MAML3: variants seen among roughly 807,000 people sequenced by gnomAD.
MAML3 encodes mastermind-like protein 3.
MAML3 carries 27 observed loss-of-function variants against 101.9 expected under a neutral mutation model. The ratio of observed to expected loss-of-function variants is 0.27; its 90% CI spans 0.20 to 0.37. The LOEUF is 0.37. Among genes scored for constraint, MAML3 ranks in the 10% least tolerant of loss-of-function variants. MAML3 has a pLI of 1.00. For missense variants in MAML3, 1,316 were observed against 1,444.9 expected (o/e 0.91, Z 1.45); for synonymous variants, 501 against 555.9 (o/e 0.90, Z 1.39).
At chr4:139,978,506 G>A (rs2110804688) in intron 1 of MAML3, among the ~76,000 whole-genome samples, 1 of 152,024 alleles carries the variant, frequency 6.6e-6, no homozygotes, top group Non-Finnish European at 1.5e-5. Flanking sequence ...TTAAAAACGA[G>A]TGGCAGAGGA....
chr4:139,725,586 T>C (rs1728435204), intron 4 of MAML3, among the ~76,000 whole-genome samples, 165 bp downstream of exon 4: 1 of 152,226 alleles, frequency 6.6e-6, no homozygotes, highest in South Asian at 2.1e-4. Context: ...AGGAGGCCTC[T>C]AGGAATCCAT....
rs568490797 is a variant in MAML3 at position 140,009,138 on chromosome 4, C to T, written c.469-118171G>A. Reference sequence around the variant, plus strand: ...CTACTGTACACATGCTCAAATCTGACAACACCTAATGCTGAGACAAAACAT... The same window carrying T: ...CTACTGTACACATGCTCAAATCTGATAACACCTAATGCTGAGACAAAACAT... On this transcript the variant is annotated intron_variant, in intron 1 of 4. Transcript: ENST00000509479. Among the ~76,000 whole-genome samples, 4 of 152,262 alleles carry T rather than the reference C, an allele frequency of 2.6e-5. No individual in the cohort carries two copies. In the South Asian group the frequency reaches 8.3e-4, roughly 32 times the overall value.
chr4:140,133,383 T>C (rs79241087), intron 1 of MAML3, among the ~76,000 whole-genome samples: 66 of 152,312 alleles, frequency 4.3e-4, no homozygotes, highest in African/African-American at 1.5e-3. Context: ...TAATGATAAC[T>C]ACATAGTATA....
At chr4:139,988,254 G>A (rs910552061) in intron 1 of MAML3, among the ~76,000 whole-genome samples, 3 of 148,358 alleles carry the variant, frequency 2.0e-5, no homozygotes, top group African/African-American at 7.5e-5. Context: ...TGAATCCTGG[G>A]AGGCAGGGGC....
At chr4:139,749,308 A>C (rs1336293132) in intron 2 of MAML3, among the ~76,000 whole-genome samples, 1 of 152,232 alleles carries the variant, frequency 6.6e-6, no homozygotes, top group African/African-American at 2.4e-5. Flanking sequence ...ATGCAAAAAA[A>C]GTTTTCTCTA....
intron 1 of MAML3, among the ~76,000 whole-genome samples, chr4:139,997,111 C>CA (rs56709812): frequency 6.8e-6 from 1 of 147,456 alleles, no homozygotes; most frequent in Admixed American, 6.8e-5. Context: ...GACTCTGTCT[C>CA]AAAAAAATAT....
rs553625505 is a variant in MAML3 at position 139,938,100 on chromosome 4, T to C, written c.469-47133A>G. On this transcript the variant is annotated intron_variant, in intron 1 of 4. Coordinates refer to ENST00000509479, the MANE Select transcript of MAML3 (RefSeq NM_018717.5). The stretch of plus-strand genomic sequence containing the variant: ...TATATATTTACATCCCTACTAAGTC[T>C]GGGCACCAAGGGCTATGAGTGGCCC... Among the ~76,000 whole-genome samples the C allele has an allele frequency of 5.3e-5, 8 of 152,336 alleles. No individual in the cohort carries two copies. The South Asian group carries it at 1.4e-3, about 28-fold the overall frequency.
intron 2 of MAML3, among the ~76,000 whole-genome samples, chr4:139,798,120 C>T (rs1173598284): frequency 6.6e-6 from 1 of 151,676 alleles, no homozygotes; most frequent in Non-Finnish European, 1.5e-5. Flanking sequence ...CATGGCAATA[C>T]CTTGATAATT....
At position 139,781,510 on chromosome 4, in the gene MAML3, T is replaced by TATATATATATATATATATATATAC. The variant is rs1730214145; in HGVS notation, c.2080-50844_2080-50843insGTATATATATATATATATATATAT. On this transcript the variant is annotated intron_variant, in intron 2 of 4. Coordinates refer to ENST00000509479, the MANE Select transcript of MAML3 (RefSeq NM_018717.5). ...TTCTAATGATCGCAGAGCATTTTCA[T>TATATATATATATATATATATATAC]ATATATATATATATATATATAGTCT... is the stretch of plus-strand genomic sequence containing the variant. 9.0e-5 allele frequency among the ~76,000 whole-genome samples: 8 copies of TATATATATATATATATATATATAC among 89,014 alleles called. No homozygotes were observed. The East Asian group carries it at 2.3e-3, about 26-fold the overall frequency. The allele number at this position is 89,014 out of a possible 152,430, so 58.4% of individuals were successfully genotyped here.
rs1399666918 is a variant in MAML3, at chr4:139,730,683, A to G, written c.2080-16T>C. ...GATGCTGCTCCTGGGAAGACAAGAG[A>G]GAGGGAGATGCAGGGATTCCCCATA... On this transcript the variant is annotated splice_polypyrimidine_tract_variant and intron_variant, in intron 2 of 4. Transcript: ENST00000509479. The G allele has an allele frequency of 4.3e-5, 69 of 1,605,116 alleles. No homozygotes were observed. The highest frequency in any genetic ancestry group is 5.8e-5 in the Non-Finnish European group (68 of 1,173,984).
intron 1 of MAML3, among the ~76,000 whole-genome samples, chr4:140,112,293 C>T (rs1728450735): frequency 6.6e-6 from 1 of 152,160 alleles, no homozygotes; most frequent in African/African-American, 2.4e-5. Flanking sequence ...TACTTTCTGG[C>T]TCAACTAGAT....
At chr4:139,950,569 T>C (rs903650499) in intron 1 of MAML3, among the ~76,000 whole-genome samples, 2 of 152,178 alleles carry the variant, frequency 1.3e-5, no homozygotes, top group African/African-American at 4.8e-5. Context: ...TCCATCCTGA[T>C]TGCCCATTGT....
At chr4:139,825,440 T>A (rs113533088) in intron 2 of MAML3, among the ~76,000 whole-genome samples, 10 of 152,334 alleles carry the variant, frequency 6.6e-5, no homozygotes, top group African/African-American at 2.2e-4. Flanking sequence ...ATAAAGCAAC[T>A]TCCTACGACC....
intron 1 of MAML3, among the ~76,000 whole-genome samples, chr4:140,062,315 G>A (rs1578664968): frequency 1.3e-5 from 2 of 152,148 alleles, no homozygotes; most frequent in African/African-American, 4.8e-5. Flanking sequence ...GTGGTGAACT[G>A]TCTCCCACAC....
intron 1 of MAML3, among the ~76,000 whole-genome samples, chr4:139,979,521 C>T (rs951144045): frequency 3.9e-5 from 6 of 152,170 alleles, no homozygotes; most frequent in South Asian, 2.1e-4. Context: ...GTGGTTGCTA[C>T]GGTTTGAATG....
Position 140,057,786 on chromosome 4 carries a change from T to C in MAML3, c.468+95074A>G, listed in dbSNP as rs146738562. ...CTTCCAGGTCTCCAAGTCTGCTTTT[T>C]GTATTTCTTTTCTTCCTGTTCTCTG... is the stretch of plus-strand genomic sequence containing the variant. On this transcript the variant is annotated intron_variant, in intron 1 of 4. Transcript: ENST00000509479. 3.9e-3 allele frequency among the ~76,000 whole-genome samples: 594 copies of C among 152,314 alleles called. 8 individuals carry two copies. The highest frequency in any genetic ancestry group is 4.4e-3 in the Non-Finnish European group (299 of 68,030).
At chr4:139,811,866 A>G (rs1364390144) in intron 2 of MAML3, among the ~76,000 whole-genome samples, 1 of 152,244 alleles carries the variant, frequency 6.6e-6, no homozygotes, top group Admixed American at 6.5e-5. Context: ...GGAACTAGAA[A>G]GTGGATGAAT....
intron 1 of MAML3, among the ~76,000 whole-genome samples, chr4:140,041,825 C>A (rs1257371244): frequency 6.6e-6 from 1 of 152,112 alleles, no homozygotes; most frequent in East Asian, 1.9e-4. Context: ...AAAAAACACA[C>A]CTCTGGATTT....
chr4:139,855,051 T>C (rs1233394761), intron 2 of MAML3, among the ~76,000 whole-genome samples: 1 of 152,218 alleles, frequency 6.6e-6, no homozygotes, highest in East Asian at 1.9e-4. Flanking sequence ...TCTAAATCAA[T>C]GGATTTGAGC....
Sources: gnomAD v4.1 joint callset for allele counts (sites outside exome capture counted in the v4.1 genomes callset) on GRCh38, gnomAD v4.1.1 for gene constraint, MANE v1.5 for transcripts, NCBI Gene and HGNC (gene_info 2026-07-23, HGNC 2026-07-21) for gene names.